The following ANOS1 variants were observed in gnomAD, a reference collection of about 807,000 sequenced individuals.
The protein encoded by ANOS1 is anosmin-1.
A neutral mutation model predicts 59.0 loss-of-function variants in ANOS1; 6 were observed. The ratio of observed to expected loss-of-function variants is 0.10; its 90% confidence interval spans 0.06 to 0.20. ANOS1 has a LOEUF of 0.20. Ranked by LOEUF, ANOS1 falls within the 10% of genes least tolerant of loss-of-function variation. ANOS1 has a pLI of 1.00. For missense variants in ANOS1, 433 were observed against 542.3 expected (o/e 0.80, Z 2.00); for synonymous variants, 217 against 223.4 (o/e 0.97, Z 0.25).
chrX:8,614,031 C>T (rs891895524), intron 3 of ANOS1, among the ~76,000 whole-genome samples: 1 of 111,822 alleles, frequency 8.9e-6, no homozygotes, highest in African/African-American at 3.3e-5. Flanking sequence ...CTAGATGATT[C>T]ATGTGCGTGA....
rs1346796090 is a variant in ANOS1 at position 8,532,578 on chromosome X, G to C, written c.*417C>G. 8.7e-6 allele frequency: 1 copy of C among 114,950 alleles called. No homozygotes were observed. The highest frequency in any genetic ancestry group is 1.8e-5 in the Non-Finnish European group (1 of 55,393). The allele number at this position is 114,950 out of a possible 1,213,427, so 9.5% of individuals were successfully genotyped here. A position where few individuals can be genotyped will look rare whatever the true frequency, so the allele number is the denominator to read the frequency against. On this transcript the variant is annotated 3_prime_UTR_variant, in exon 14 of 14. Coordinates refer to ENST00000262648, the MANE Select transcript of ANOS1 (RefSeq NM_000216.4). ...TTTTTCATATCGAATCAATAATTTA[G>C]TCAAAAATATATTTTATTGATTAGA...
At chrX:8,713,185 C>T (rs1313374922) in intron 1 of ANOS1, among the ~76,000 whole-genome samples, 1 of 111,001 alleles carries the variant, frequency 9.0e-6, no homozygotes, top group African/African-American at 3.3e-5. Flanking sequence ...GACACCACCA[C>T]TGACTTCTAC....
chrX:8,731,456 G>A (rs1309638588), intron 1 of ANOS1, among the ~76,000 whole-genome samples: 11 of 111,648 alleles, frequency 9.9e-5, no homozygotes, highest in Non-Finnish European at 1.9e-5. Flanking sequence ...GCCCCGGAGC[G>A]CCTGGGACTT....
chrX:8,708,741 G>A (rs1932793885), intron 1 of ANOS1, among the ~76,000 whole-genome samples: 1 of 111,896 alleles, frequency 8.9e-6, no homozygotes, highest in Non-Finnish European at 1.9e-5. Flanking sequence ...AATACCATTT[G>A]ACCCAGCAAT....
At chrX:8,698,762 T>C (rs1932721020) in intron 2 of ANOS1, among the ~76,000 whole-genome samples, 1 of 112,019 alleles carries the variant, frequency 8.9e-6, no homozygotes, top group African/African-American at 3.2e-5. Context: ...CTCATGTGTA[T>C]TCAGTGAGCA....
At chrX:8,575,544 G>A (rs111788690) in intron 6 of ANOS1, among the ~76,000 whole-genome samples, 24 of 111,326 alleles carry the variant, frequency 2.2e-4, no homozygotes, top group African/African-American at 7.2e-4. Context: ...ATCATTTCCT[G>A]CCCTGGAAAA....
At chrX:8,587,130 G>GT (rs776311412) in intron 5 of ANOS1, among the ~76,000 whole-genome samples, 3 of 106,637 alleles carry the variant, frequency 2.8e-5, no homozygotes, top group Non-Finnish European at 5.9e-5. Flanking sequence ...TTGTGTGTGT[G>GT]TGTGGGGGGG....
At chrX:8,616,483 A>G in intron 3 of ANOS1, among the ~76,000 whole-genome samples, 1 of 111,451 alleles carries the variant, frequency 9.0e-6, no homozygotes, top group East Asian at 2.8e-4. Context: ...CTTTCAGCCT[A>G]GAACTCTCAC....
chrX:8,628,315 T>A (rs1931430665), intron 2 of ANOS1, among the ~76,000 whole-genome samples: 1 of 112,085 alleles, frequency 8.9e-6, no homozygotes, highest in South Asian at 3.7e-4. Context: ...ATCTACCCCT[T>A]ATTTAGCATA....
chrX:8,664,304 C>T (rs899150456), intron 2 of ANOS1, among the ~76,000 whole-genome samples: 5 of 111,452 alleles, frequency 4.5e-5, no homozygotes, highest in African/African-American at 1.6e-4. Flanking sequence ...CATTCTCCTG[C>T]CTCAGCCTCC....
intron 2 of ANOS1, among the ~76,000 whole-genome samples, chrX:8,637,920 A>G (rs1435199062): frequency 8.9e-6 from 1 of 112,372 alleles, no homozygotes; most frequent in Non-Finnish European, 1.9e-5. Flanking sequence ...TGTGGTTTAG[A>G]ACCCTTGTGA....
rs764728477 is a variant in ANOS1 at position 8,704,411 on chromosome X, C to T, written c.208-4666G>A. Among the ~76,000 whole-genome samples the T allele has an allele frequency of 3.6e-5, 4 of 111,634 alleles. No homozygotes were observed. The South Asian group carries it at 1.1e-3, about 32-fold the overall frequency. ...CCTTCCCAAGTGTAAACCCTCCTGCCCTGCCCCACACCAACTCTCCTTCTT... is the reference window on the plus strand; with the variant it reads ...CCTTCCCAAGTGTAAACCCTCCTGCTCTGCCCCACACCAACTCTCCTTCTT... On this transcript the variant is annotated intron_variant, in intron 1 of 13. Coordinates refer to ENST00000262648, the MANE Select transcript of ANOS1 (RefSeq NM_000216.4).
At chrX:8,694,546 G>A (rs1378341382) in intron 2 of ANOS1, among the ~76,000 whole-genome samples, 1 of 111,818 alleles carries the variant, frequency 8.9e-6, no homozygotes, top group Non-Finnish European at 1.9e-5. Context: ...GGGGGTACCT[G>A]TAATCCCAGT....
chrX:8,616,536 CATACGG>C (rs1303162929), intron 3 of ANOS1, among the ~76,000 whole-genome samples: 2 of 111,652 alleles, frequency 1.8e-5, no homozygotes, highest in African/African-American at 6.5e-5. Flanking sequence ...CAGCACATCT[CATACGG>C]ATTTCCATTT....
At chrX:8,695,235 CCAGGAGGCGGAGGTTG>C (rs1422589572) in intron 2 of ANOS1, among the ~76,000 whole-genome samples, 2 of 111,857 alleles carry the variant, frequency 1.8e-5, no homozygotes, top group African/African-American at 6.5e-5. Flanking sequence ...CTGCTTGACC[CCAGGAGGCGGAGGTTG>C]CAGTGAGCAG....
At chrX:8,580,224 A>T (rs991253419) in intron 6 of ANOS1, among the ~76,000 whole-genome samples, 1 of 112,483 alleles carries the variant, frequency 8.9e-6, no homozygotes, top group Non-Finnish European at 1.9e-5. Flanking sequence ...TTCTAAATAA[A>T]GAGACAAAAA....
chrX:8,709,451 T>C (rs1414316964), intron 1 of ANOS1, among the ~76,000 whole-genome samples: 2 of 111,584 alleles, frequency 1.8e-5, no homozygotes, highest in Non-Finnish European at 3.8e-5. Context: ...ATTAAATAAC[T>C]TTACATGACT....
intron 1 of ANOS1, among the ~76,000 whole-genome samples, chrX:8,724,469 T>C (rs751724912): frequency 8.9e-6 from 1 of 112,488 alleles, no homozygotes; most frequent in South Asian, 3.6e-4. Context: ...GCGATGCTTT[T>C]GGGCATGAAT....
At chrX:8,646,806 G>A (rs1355837702) in intron 2 of ANOS1, among the ~76,000 whole-genome samples, 3 of 108,248 alleles carry the variant, frequency 2.8e-5, no homozygotes, top group Non-Finnish European at 5.7e-5. Flanking sequence ...GGTGGTGCAC[G>A]CCTGTAATCC....
Sources: allele counts gnomAD v4.1 joint callset (sites outside exome capture counted in the v4.1 genomes callset), GRCh38; gene constraint gnomAD v4.1.1; transcripts MANE v1.5; gene names NCBI Gene and HGNC (gene_info 2026-07-23, HGNC 2026-07-21).